The following CSMD1 variants were observed in gnomAD, a reference collection of about 807,000 sequenced individuals.
CSMD1 encodes the protein CUB and sushi domain-containing protein 1.
Under a neutral mutation model 417.5 loss-of-function variants are expected in CSMD1, and 213 were observed. The ratio of observed to expected loss-of-function variants is 0.51; its 90% confidence interval spans 0.46 to 0.57. The LOEUF is 0.57. Among genes scored for constraint, CSMD1 ranks in the 20% least tolerant of loss-of-function variants. The pLI, the probability that CSMD1 is intolerant of heterozygous loss-of-function variation, is 0.00. For synonymous variants in CSMD1, 2,862 were observed against 1,736.8 expected (o/e 1.65, Z -16.11); for missense variants, 6,923 against 4,529.7 (o/e 1.53, Z -15.17).
chr8:4,439,365 C>T (rs574113415), intron 2 of CSMD1, among the ~76,000 whole-genome samples: 3 of 152,050 alleles, frequency 2.0e-5, no homozygotes, highest in Non-Finnish European at 2.9e-5. Context: ...TGAGATATTA[C>T]TATACAACTT....
chr8:3,096,062 G>A lies in CSMD1; in HGVS notation c.7138+787C>T, dbSNP rs185483631. Reference sequence around the variant, plus strand: ...TATTTAGATGACAAAAATACCTCTAGGCCTAAGTTTCCTAAAATATCTTGT... The same window carrying A: ...TATTTAGATGACAAAAATACCTCTAAGCCTAAGTTTCCTAAAATATCTTGT... On this transcript the variant is annotated intron_variant, in intron 47 of 69. Coordinates refer to ENST00000635120, the MANE Select transcript of CSMD1 (RefSeq NM_033225.6). Among the ~76,000 whole-genome samples the A allele has an allele frequency of 1.4e-4, 21 of 151,988 alleles. 2 individuals carry two copies. Among genetic ancestry groups the A allele is most frequent in the Admixed American group, 9.8e-4 (15 of 15,254 alleles).
At chr8:3,559,489 A>T (rs905359230) in intron 10 of CSMD1, among the ~76,000 whole-genome samples, 2 of 150,582 alleles carry the variant, frequency 1.3e-5, no homozygotes, top group African/African-American at 5.0e-5. Context: ...ATTTAAAGGC[A>T]CCGTGAAGAA....
chr8:3,872,147 T>C lies in CSMD1; in HGVS notation c.819-118105A>G, dbSNP rs1805519579. Among the ~76,000 whole-genome samples, 3 of 152,242 alleles carry C rather than the reference T, an allele frequency of 2.0e-5. No individual in the cohort carries two copies. The South Asian group carries it at 6.2e-4, about 31-fold the overall frequency. ...TTGTTCTTTTTCTCATTTCATGTTG[T>C]TTTAACCCGTGTTTGGATCCTCAGT... On this transcript the variant is annotated intron_variant, in intron 5 of 69. Transcript: ENST00000635120.
At chr8:4,721,841 G>C (rs1490740125) in intron 1 of CSMD1, among the ~76,000 whole-genome samples, 1 of 152,140 alleles carries the variant, frequency 6.6e-6, no homozygotes, top group Non-Finnish European at 1.5e-5. Context: ...ACATGATTCA[G>C]CTTTACAAAA....
At chr8:4,405,304 T>G (rs1406867799) in intron 3 of CSMD1, among the ~76,000 whole-genome samples, 4 of 152,106 alleles carry the variant, frequency 2.6e-5, no homozygotes, top group African/African-American at 9.7e-5. Flanking sequence ...TTGAAATAAC[T>G]TCCACTTAGT....
intron 1 of CSMD1, among the ~76,000 whole-genome samples, chr8:4,783,303 A>G (rs1797244484): frequency 6.6e-6 from 1 of 152,142 alleles, no homozygotes; most frequent in African/African-American, 2.4e-5. Context: ...ACAAGGTAAA[A>G]CTGTCCTCCA....
chr8:3,357,553 A>G (rs972012505), intron 21 of CSMD1, among the ~76,000 whole-genome samples: 1 of 152,242 alleles, frequency 6.6e-6, no homozygotes, highest in East Asian at 1.9e-4. Context: ...GAATGACAAG[A>G]AAAACAGTGT....
intron 59 of CSMD1, 64 bp downstream of exon 59, chr8:2,965,711 C>A: frequency 7.0e-7 from 1 of 1,434,510 alleles, no homozygotes; most frequent in Non-Finnish European, 9.5e-7. Context: ...CAAAATTAAA[C>A]AAAGCATAAT....
chr8:3,772,202 A>T (rs1257615933), intron 5 of CSMD1, among the ~76,000 whole-genome samples: 1 of 145,216 alleles, frequency 6.9e-6, no homozygotes, highest in Non-Finnish European at 1.5e-5. Flanking sequence ...ACACACACAC[A>T]CACACACACA....
chr8:4,680,579 T>G (rs553383618), intron 1 of CSMD1, among the ~76,000 whole-genome samples: 2 of 152,014 alleles, frequency 1.3e-5, no homozygotes, highest in Non-Finnish European at 2.9e-5. Flanking sequence ...CATTCTAAGA[T>G]AGTTTTTGTG....
intron 52 of CSMD1, among the ~76,000 whole-genome samples, chr8:3,006,701 G>T (rs1351202619): frequency 6.6e-6 from 1 of 151,462 alleles, no homozygotes; most frequent in South Asian, 2.1e-4. Context: ...AAATGGTGCT[G>T]GGAAAACTGG....
chr8:3,073,975 C>A lies in CSMD1; in HGVS notation c.7474+13122G>T, dbSNP rs1481617423. On this transcript the variant is annotated intron_variant, in intron 49 of 69. Coordinates refer to ENST00000635120, the MANE Select transcript of CSMD1 (RefSeq NM_033225.6). ...ACACATAGAGGCCCAAAACAGCACA[C>A]ATTTATTCCAACACGATTTCTGCAG... Among the ~76,000 whole-genome samples the A allele has an allele frequency of 5.9e-5, 9 of 152,186 alleles. 1 individual carries two copies. Among genetic ancestry groups the A allele is most frequent in the Admixed American group, 5.9e-4 (9 of 15,284 alleles).
chr8:4,328,832 C>G (rs1377231433), intron 3 of CSMD1, among the ~76,000 whole-genome samples: 1 of 152,162 alleles, frequency 6.6e-6, no homozygotes, highest in East Asian at 1.9e-4. Context: ...GTTTTAGAAG[C>G]TTAAGCAATT....
chr8:3,405,449 G>T (rs1467428864), intron 15 of CSMD1, among the ~76,000 whole-genome samples: 8 of 152,098 alleles, frequency 5.3e-5, no homozygotes, highest in Non-Finnish European at 7.4e-5. Flanking sequence ...GCTGTAACAA[G>T]AACAACAAAA....
At chr8:4,854,564 C>A in intron 1 of CSMD1, among the ~76,000 whole-genome samples, 1 of 152,102 alleles carries the variant, frequency 6.6e-6, no homozygotes, top group South Asian at 2.1e-4. Context: ...GCGCACCGTG[C>A]GTGAGCTGAA....
At chr8:4,232,347 C>A (rs533802884) in intron 3 of CSMD1, among the ~76,000 whole-genome samples, 17 of 152,024 alleles carry the variant, frequency 1.1e-4, no homozygotes, top group Admixed American at 2.6e-4. Flanking sequence ...TACAGGCACC[C>A]GCCATTAAGC....
At chr8:4,858,640 A>C (rs1208435589) in intron 1 of CSMD1, among the ~76,000 whole-genome samples, 2 of 152,024 alleles carry the variant, frequency 1.3e-5, no homozygotes, top group Admixed American at 6.5e-5. Context: ...CAGAGAGCCA[A>C]ATCACGAGTG....
In CSMD1 at chr8:4,276,726, A is replaced by G. The variant is rs557125206; in HGVS notation, c.415+143227T>C. Among the ~76,000 whole-genome samples the G allele has an allele frequency of 1.7e-3, 253 of 152,326 alleles. 1 individual carries two copies. The highest frequency in any genetic ancestry group is 5.8e-3 in the African/African-American group (241 of 41,580). On this transcript the variant is annotated intron_variant, in intron 3 of 69. Coordinates refer to ENST00000635120, the MANE Select transcript of CSMD1 (RefSeq NM_033225.6). ...AGTGGGATCCCAATTTTAATAAATA[A>G]AAGGAAATGTATATGTGTTTTGATG...
At chr8:4,022,265 G>A (rs1017744356) in intron 4 of CSMD1, among the ~76,000 whole-genome samples, 5 of 150,654 alleles carry the variant, frequency 3.3e-5, no homozygotes, top group East Asian at 1.9e-4. Flanking sequence ...CTATTCATTT[G>A]CTTATCTCTT....
Sources: allele counts gnomAD v4.1 joint callset (sites outside exome capture counted in the v4.1 genomes callset), GRCh38; gene constraint gnomAD v4.1.1; transcripts MANE v1.5; gene names NCBI Gene and HGNC (gene_info 2026-07-23, HGNC 2026-07-21).